Variants in IQSEC1 observed in about 807,000 individuals in gnomAD.
The protein encoded by IQSEC1 is IQ motif and Sec7 domain ArfGEF 1, also known as IQ motif and SEC7 domain-containing protein 1.
A neutral mutation model predicts 91.0 loss-of-function variants in IQSEC1; 31 were observed. That is an observed-to-expected ratio of 0.34 (90% CI 0.26 to 0.46). The LOEUF is 0.46. Among genes scored for constraint, IQSEC1 ranks in the 20% least tolerant of loss-of-function variants. The pLI is 1.00. For missense variants in IQSEC1, 1,388 were observed against 1,575.6 expected (o/e 0.88, Z 2.02); for synonymous variants, 699 against 662.6 (o/e 1.05, Z -0.84).
chr3:13,014,800 G>C (rs191442500), intron 1 of IQSEC1, among the ~76,000 whole-genome samples: 14 of 152,100 alleles, frequency 9.2e-5, no homozygotes, highest in Admixed American at 9.2e-4. Context: ...CCCCCAACAC[G>C]CTCCCAGCCC....
chr3:13,008,833 G>A lies in IQSEC1; in HGVS notation c.23+64159C>T, dbSNP rs1355195991. On this transcript the variant is annotated intron_variant, in intron 1 of 13. Transcript: ENST00000613206. This position sits in a 1 kb window ranked among gnomAD's most constrained non-coding sequence, Gnocchi z 4.1. ...GGAGGGGATATCCAGCTAACCCAGT[G>A]GGAACCAGACACGCTGGCAAACCCC... Among the ~76,000 whole-genome samples the A allele has an allele frequency of 6.6e-6, 1 of 152,204 alleles. No homozygotes were observed. The highest frequency in any genetic ancestry group is 2.4e-5 in the African/African-American group (1 of 41,444).
intron 1 of IQSEC1, among the ~76,000 whole-genome samples, chr3:13,247,811 G>A (rs1695132717): frequency 6.6e-6 from 1 of 152,150 alleles, no homozygotes; most frequent in African/African-American, 2.4e-5. Context: ...CACAGGCATT[G>A]CAGGCACTGT....
rs932662531 is a variant in IQSEC1 at position 12,979,494 on chromosome 3, C to T, written c.24-37629G>A. Among the ~76,000 whole-genome samples the T allele has an allele frequency of 2.6e-5, 4 of 152,178 alleles. No individual in the cohort carries two copies. Among genetic ancestry groups the T allele is most frequent in the African/African-American group, 7.2e-5 (3 of 41,434 alleles). ...GTTACAAAAAAGGCGGACACATGCA[C>T]GCAGCACGCGCACACACACACTCTA... is the stretch of plus-strand genomic sequence containing the variant. On this transcript the variant is annotated intron_variant, in intron 1 of 13. Transcript: ENST00000613206. The surrounding 1 kb of genome is among the most constrained non-coding windows in gnomAD (Gnocchi z 4.3).
chr3:12,966,532 A>T (rs1700581554), intron 1 of IQSEC1, among the ~76,000 whole-genome samples: 1 of 152,134 alleles, frequency 6.6e-6, no homozygotes, highest in South Asian at 2.1e-4. Context: ...TTCCCAGCAC[A>T]TACACACACA....
chr3:12,922,335 A>G lies in IQSEC1; in HGVS notation c.1731-93T>C. On this transcript the variant is annotated intron_variant, in intron 4 of 13. Transcript: ENST00000613206. This position sits in a 1 kb window ranked among gnomAD's most constrained non-coding sequence, Gnocchi z 5.1. ...GGTGGTGGTGCCTGAAGCCCTGGGAATGGACCGCCTCCTGGCAGGGAGAGC... is the reference window on the plus strand; with the variant it reads ...GGTGGTGGTGCCTGAAGCCCTGGGAGTGGACCGCCTCCTGGCAGGGAGAGC... The G allele has an allele frequency of 7.1e-7, 1 of 1,406,560 alleles. No individual in the cohort carries two copies. The highest frequency in any genetic ancestry group is 9.4e-7 in the Non-Finnish European group (1 of 1,062,678). 87.1% of individuals were successfully genotyped at this position (1,406,560 alleles called of 1,614,324 possible).
chr3:13,091,830 G>A (rs937039678), intron 2 of IQSEC1, among the ~76,000 whole-genome samples: 1 of 152,084 alleles, frequency 6.6e-6, no homozygotes, highest in Non-Finnish European at 1.5e-5. Context: ...GGAGTCTTCA[G>A]GGGTTTTCCT....
intron 5 of IQSEC1, among the ~76,000 whole-genome samples, chr3:12,920,850 A>G (rs1224212186): frequency 6.6e-6 from 1 of 152,168 alleles, no homozygotes; most frequent in Non-Finnish European, 1.5e-5. Flanking sequence ...CCGGGAGCTC[A>G]GAGTAGCCAC....
At chr3:13,232,401 G>A (rs1340439120) in intron 1 of IQSEC1, among the ~76,000 whole-genome samples, 2 of 152,234 alleles carry the variant, frequency 1.3e-5, no homozygotes, top group African/African-American at 2.4e-5. Flanking sequence ...CCTCCCTGAT[G>A]ACCTCCCTCT....
chr3:13,234,205 C>T (rs551895376), intron 1 of IQSEC1, among the ~76,000 whole-genome samples: 168 of 150,176 alleles, frequency 1.1e-3, no homozygotes, highest in African/African-American at 3.9e-3. Context: ...TCTGTGTGTG[C>T]CTGTGGGTGT....
chr3:12,944,266 G>A (rs565829712), intron 1 of IQSEC1, among the ~76,000 whole-genome samples: 2 of 152,236 alleles, frequency 1.3e-5, no homozygotes, highest in African/African-American at 4.8e-5. Context: ...GGTAGGGGGC[G>A]AGGGGGAGAA....
intron 1 of IQSEC1, among the ~76,000 whole-genome samples, chr3:13,219,879 G>A (rs1694624476): frequency 6.6e-6 from 1 of 152,236 alleles, no homozygotes; most frequent in South Asian, 2.1e-4. Flanking sequence ...TGCCACTGCT[G>A]CCCACAATAT....
chr3:13,209,020 G>C (rs917322848), intron 1 of IQSEC1, among the ~76,000 whole-genome samples: 4 of 152,152 alleles, frequency 2.6e-5, no homozygotes, highest in African/African-American at 7.2e-5. Flanking sequence ...TCCGGGCTCA[G>C]AGCAAGTGAC....
In IQSEC1 at chr3:12,922,267, C is replaced by CAG; in HGVS notation, c.1731-26_1731-25insCT. 1 of 1,548,676 alleles carries CAG rather than the reference C, an allele frequency of 6.5e-7. No individual in the cohort carries two copies. The highest frequency in any genetic ancestry group is 8.8e-7 in the Non-Finnish European group (1 of 1,137,150). On this transcript the variant is annotated intron_variant, in intron 4 of 13. Coordinates refer to ENST00000613206, the MANE Select transcript of IQSEC1 (RefSeq NM_001134382.3). This position sits in a 1 kb window ranked among gnomAD's most constrained non-coding sequence, Gnocchi z 5.1. ...GCTGGAATAGAGACAGACAGCCCCG[C>CAG]ATAAGCACCCCTTGCAGGTGCGACA...
In IQSEC1 at chr3:12,922,963, T is replaced by A. The variant is rs986838042; in HGVS notation, c.1731-721A>T. On this transcript the variant is annotated intron_variant, in intron 4 of 13. Coordinates refer to ENST00000613206, the MANE Select transcript of IQSEC1 (RefSeq NM_001134382.3). This position sits in a 1 kb window ranked among gnomAD's most constrained non-coding sequence, Gnocchi z 5.1. ...CCTAATGATGCTGCGGTCACTCCCA[T>A]GGGGCAGAGAGAGGCCTGGCCACAC... 8.5e-5 allele frequency among the ~76,000 whole-genome samples: 13 copies of A among 152,168 alleles called. No individual in the cohort carries two copies. Among genetic ancestry groups the A allele is most frequent in the African/African-American group, 3.1e-4 (13 of 41,448 alleles).
At chr3:13,236,882 T>G (rs1694938491) in intron 1 of IQSEC1, among the ~76,000 whole-genome samples, 1 of 152,062 alleles carries the variant, frequency 6.6e-6, no homozygotes, top group African/African-American at 2.4e-5. Flanking sequence ...GGGGTGTTTT[T>G]GGGGAAACAA....
intron 2 of IQSEC1, among the ~76,000 whole-genome samples, chr3:13,106,256 C>G (rs1252769185): frequency 1.3e-5 from 2 of 152,202 alleles, no homozygotes; most frequent in African/African-American, 4.8e-5. Flanking sequence ...CTCCCCTCCC[C>G]AGCACCTTCC....
intron 1 of IQSEC1, among the ~76,000 whole-genome samples, chr3:12,958,201 CCCCACAGCAAGTCAGCAATCTG>C (rs1476382615): frequency 1.3e-5 from 2 of 152,206 alleles, no homozygotes; most frequent in Admixed American, 1.3e-4. Flanking sequence ...AGCTGCCAGG[CCCCACAGCAAGTCAGCAATCTG>C]CCCACAGCAC....
rs1696705443 is a variant in IQSEC1, at chr3:12,922,296, C to A, written c.1731-54G>T. 8.9e-6 allele frequency: 13 copies of A among 1,467,880 alleles called. No individual in the cohort carries two copies. In the East Asian group the frequency reaches 3.4e-4, roughly 38 times the overall value. The allele number at this position is 1,467,880 out of a possible 1,614,324, so 90.9% of individuals were successfully genotyped here. On this transcript the variant is annotated intron_variant, in intron 4 of 13. Transcript: ENST00000613206. The surrounding 1 kb of genome is among the most constrained non-coding windows in gnomAD (Gnocchi z 5.1). ...AGCACCCCTTGCAGGTGCGACACGCCCAGCCCACCCCCAGGTGGTGGTGCC... is the reference window on the plus strand; with the variant it reads ...AGCACCCCTTGCAGGTGCGACACGCACAGCCCACCCCCAGGTGGTGGTGCC...
intron 1 of IQSEC1, among the ~76,000 whole-genome samples, chr3:13,249,951 T>G (rs1307513957): frequency 6.6e-6 from 1 of 152,204 alleles, no homozygotes; most frequent in Non-Finnish European, 1.5e-5. Context: ...TGGGCTCAGT[T>G]TCCCCACCTG....
Sources: gnomAD v4.1 joint callset for allele counts (sites outside exome capture counted in the v4.1 genomes callset) on GRCh38, gnomAD v4.1.1 for gene constraint, Gnocchi (gnomAD v3.1) non-coding constraint, MANE v1.5 for transcripts, NCBI Gene and HGNC (gene_info 2026-07-23, HGNC 2026-07-21) for gene names.